FBXO45: variants seen among roughly 807,000 people sequenced by gnomAD.
FBXO45 encodes F-box/SPRY domain-containing protein 1.
FBXO45 carries 3 observed loss-of-function variants against 25.5 expected under a neutral mutation model. That is an observed-to-expected ratio of 0.12 (90% CI 0.05 to 0.30). FBXO45 has a LOEUF of 0.30. Among genes scored for constraint, FBXO45 ranks in the 10% least tolerant of loss-of-function variants. The pLI, the probability that FBXO45 is intolerant of heterozygous loss-of-function variation, is 1.00. For synonymous variants in FBXO45, 155 were observed against 149.8 expected (o/e 1.03, Z -0.25); for missense variants, 219 against 365.0 (o/e 0.60, Z 3.26).
At chr3:196,570,390 A>C (rs1348003538) in intron 1 of FBXO45, among the ~76,000 whole-genome samples, 1 of 151,228 alleles carries the variant, frequency 6.6e-6, no homozygotes, top group Non-Finnish European at 1.5e-5. Context: ...GGCATGCGCC[A>C]CCATGCCCGG....
chr3:196,582,094 C>T (rs543821384), intron 2 of FBXO45, among the ~76,000 whole-genome samples: 1 of 152,256 alleles, frequency 6.6e-6, no homozygotes, highest in East Asian at 1.9e-4. Context: ...AGTTGCTCTG[C>T]CATCTCCCCA....
At position 196,569,442 on chromosome 3, in the gene FBXO45, C is replaced by T. The variant is rs1735740603; in HGVS notation, c.318+140C>T. On this transcript the variant is annotated intron_variant, in intron 1 of 2. Coordinates refer to ENST00000311630, the MANE Select transcript of FBXO45 (RefSeq NM_001105573.2). This position sits in a 1 kb window ranked among gnomAD's most constrained non-coding sequence, Gnocchi z 4.1. ...ACGGCTCCAGTCAGTATCTTCCTCACCTCCCCCCAAGATAAAGATTCTCTT... is the reference window on the plus strand; with the variant it reads ...ACGGCTCCAGTCAGTATCTTCCTCATCTCCCCCCAAGATAAAGATTCTCTT... 2 of 744,160 alleles carry T rather than the reference C, an allele frequency of 2.7e-6. No homozygotes were observed. The highest frequency in any genetic ancestry group is 3.1e-5 in the Admixed American group (1 of 31,970). 46.1% of individuals were successfully genotyped at this position (744,160 alleles called of 1,614,324 possible).
rs1325096203 is a variant in FBXO45, at chr3:196,575,677, GT to G, written c.319-1773del. On this transcript the variant is annotated intron_variant, in intron 1 of 2. Transcript: ENST00000311630. The stretch of plus-strand genomic sequence containing the variant: ...AATCTTCTTTTCCTTTCTTTTCTTT[GT>G]TTCTTTTTTTTTTTTTGAGACAGGG... Among the ~76,000 whole-genome samples the G allele has an allele frequency of 2.1e-5, 3 of 146,086 alleles. No homozygotes were observed. In the East Asian group the frequency reaches 5.9e-4, roughly 29 times the overall value.
Position 196,584,537 on chromosome 3 carries a change from T to C in FBXO45, c.*219T>C. ...GGGTTGCAGTTGGTTGAGTGGGCAG[T>C]TGACATATGCATGTTGCACCCGATG... On this transcript the variant is annotated 3_prime_UTR_variant, in exon 3 of 3. Transcript: ENST00000311630. This position sits in a 1 kb window ranked among gnomAD's most constrained non-coding sequence, Gnocchi z 4.3. The C allele has an allele frequency of 4.2e-6, 2 of 471,056 alleles. No individual in the cohort carries two copies. The highest frequency in any genetic ancestry group is 2.0e-5 in the African/African-American group (1 of 49,414). 29.2% of individuals were successfully genotyped at this position (471,056 alleles called of 1,614,324 possible). A position where few individuals can be genotyped will look rare whatever the true frequency, so the allele number is the denominator to read the frequency against.
rs1283561938 is a variant in FBXO45, at chr3:196,588,529, T to G, written c.*4211T>G. ...TGCTGTCCTCAAAAACATTCCTCAG[T>G]TTCTCTAGCTGAATGTAATCTCTCC... On this transcript the variant is annotated 3_prime_UTR_variant, in exon 3 of 3. Transcript: ENST00000311630. This position sits in a 1 kb window ranked among gnomAD's most constrained non-coding sequence, Gnocchi z 4.2. The G allele has an allele frequency of 3.3e-5, 5 of 152,210 alleles. No homozygotes were observed. Among genetic ancestry groups the G allele is most frequent in the African/African-American group, 9.6e-5 (4 of 41,458 alleles). 9.4% of individuals were successfully genotyped at this position (152,210 alleles called of 1,614,324 possible).
chr3:196,575,502 A>G (rs1003724179), intron 1 of FBXO45, among the ~76,000 whole-genome samples: 1 of 151,822 alleles, frequency 6.6e-6, no homozygotes, highest in South Asian at 2.1e-4. Context: ...GAGGTTGTCA[A>G]TAGTGTCAAT....
chr3:196,584,438 T>A lies in FBXO45; in HGVS notation c.*120T>A. 1.2e-6 allele frequency: 1 copy of A among 861,004 alleles called. No individual in the cohort carries two copies. The highest frequency in any genetic ancestry group is 1.7e-6 in the Non-Finnish European group (1 of 579,134). The allele number at this position is 861,004 out of a possible 1,614,324, so 53.3% of individuals were successfully genotyped here. ...AACATCCTGAAAACACATGAAGTCG[T>A]AAACTGGAGAAGCAGCTCTACAGCA... On this transcript the variant is annotated 3_prime_UTR_variant, in exon 3 of 3. Coordinates refer to ENST00000311630, the MANE Select transcript of FBXO45 (RefSeq NM_001105573.2). The surrounding 1 kb of genome is among the most constrained non-coding windows in gnomAD (Gnocchi z 4.3).
chr3:196,583,396 CT>C (rs1736050604), intron 2 of FBXO45, among the ~76,000 whole-genome samples: 1 of 151,330 alleles, frequency 6.6e-6, no homozygotes, highest in Non-Finnish European at 1.5e-5. Flanking sequence ...GTCCCAGCTA[CT>C]GGGGAGGCTG....
rs1736092935 is a variant in FBXO45 at position 196,585,686 on chromosome 3, C to A, written c.*1368C>A. 6.6e-6 allele frequency: 1 copy of A among 152,292 alleles called. No homozygotes were observed. Among genetic ancestry groups the A allele is most frequent in the Admixed American group, 6.5e-5 (1 of 15,302 alleles). 9.4% of individuals were successfully genotyped at this position (152,292 alleles called of 1,614,324 possible). ...AAATGCTTTTGAATTAATAATCCAA[C>A]CCACATGAGCTGAGAGTTTTTCTTT... On this transcript the variant is annotated 3_prime_UTR_variant, in exon 3 of 3. Transcript: ENST00000311630.
chr3:196,581,223 CTTT>C (rs33962634), intron 2 of FBXO45, among the ~76,000 whole-genome samples: 95 of 63,652 alleles, frequency 1.5e-3, no homozygotes, highest in African/African-American at 5.9e-3. Flanking sequence ...TTTCTTTTTC[CTTT>C]TTTTTTTTTT....
rs1735723895 is a variant in FBXO45, at chr3:196,569,146, C to A, written c.162C>A (p.Ser54=). The A allele has an allele frequency of 5.8e-6, 9 of 1,550,482 alleles. No individual in the cohort carries two copies. The East Asian group carries it at 2.2e-4, about 38-fold the overall frequency. The change falls in exon 1 of 3, where the codon TCC becomes TCA. Residue 54 remains serine (S), a synonymous_variant. Coordinates refer to ENST00000311630, the MANE Select transcript of FBXO45 (RefSeq NM_001105573.2). The surrounding 1 kb of genome is among the most constrained non-coding windows in gnomAD (Gnocchi z 4.1). ...TGGTGTTCTCTTACCTGGAGCTGTC[C>A]GAGCTGCGGAGCTGCGCCCTGGTGT... ...LELVFSYLEL[S]ELRSCALVCK...
chr3:196,569,254 G>A lies in FBXO45; in HGVS notation c.270G>A (p.Glu90=), dbSNP rs763549603. ...TGTGCGCCCGCAGCCTGGCAGAAGA[G>A]GCTCTGCGCACGGACATCCTGTGCA... is the stretch of plus-strand genomic sequence containing the variant. ...RSLCARSLAE[E]ALRTDILCNL... is the part of the protein sequence containing the mutation. The change falls in exon 1 of 3, where the codon GAG becomes GAA. Residue 90 remains glutamate (E), a synonymous_variant. Coordinates refer to ENST00000311630, the MANE Select transcript of FBXO45 (RefSeq NM_001105573.2). The surrounding 1 kb of genome is among the most constrained non-coding windows in gnomAD (Gnocchi z 4.1). 2 of 1,586,148 alleles carry A rather than the reference G, an allele frequency of 1.3e-6. No individual in the cohort carries two copies. Among genetic ancestry groups the A allele is most frequent in the South Asian group, 1.2e-5 (1 of 86,828 alleles).
intron 1 of FBXO45, among the ~76,000 whole-genome samples, chr3:196,572,407 G>A (rs188179586): frequency 7.2e-5 from 11 of 152,326 alleles, no homozygotes; most frequent in African/African-American, 2.6e-4. Flanking sequence ...AGTAGTGGAG[G>A]ATTTAACCTG....
chr3:196,568,972 G>C lies in FBXO45; in HGVS notation c.-13G>C, dbSNP rs1308766921. ...CGGCGGCAGCGGCGGCCCTAGGGCCGGCTGGTGAGGCGATGGCGGCGCCGG... is the reference window on the plus strand; with the variant it reads ...CGGCGGCAGCGGCGGCCCTAGGGCCCGCTGGTGAGGCGATGGCGGCGCCGG... On this transcript the variant is annotated 5_prime_UTR_variant, in exon 1 of 3. Coordinates refer to ENST00000311630, the MANE Select transcript of FBXO45 (RefSeq NM_001105573.2). 2 of 990,540 alleles carry C rather than the reference G, an allele frequency of 2.0e-6. No individual in the cohort carries two copies. The highest frequency in any genetic ancestry group is 3.5e-5 in the African/African-American group (2 of 56,958). 61.4% of individuals were successfully genotyped at this position (990,540 alleles called of 1,614,324 possible).
chr3:196,571,228 T>A (rs1438364698), intron 1 of FBXO45, among the ~76,000 whole-genome samples: 1 of 149,150 alleles, frequency 6.7e-6, no homozygotes, highest in Non-Finnish European at 1.5e-5. Flanking sequence ...GGAGTTTTTG[T>A]TGTTGTTTTT....
intron 2 of FBXO45, among the ~76,000 whole-genome samples, chr3:196,578,532 T>C (rs1344421842): frequency 6.6e-6 from 1 of 152,120 alleles, no homozygotes; most frequent in Non-Finnish European, 1.5e-5. Context: ...TTAATGTCAT[T>C]TTCAAGGTAA....
intron 1 of FBXO45, among the ~76,000 whole-genome samples, chr3:196,570,294 A>T (rs935561951): frequency 2.1e-4 from 31 of 149,292 alleles, no homozygotes; most frequent in African/African-American, 7.4e-4. Flanking sequence ...ACGGAGTGCA[A>T]TGGCGTGATC....
chr3:196,572,904 A>G (rs1282975822), intron 1 of FBXO45, among the ~76,000 whole-genome samples: 3 of 152,104 alleles, frequency 2.0e-5, no homozygotes, highest in Non-Finnish European at 4.4e-5. Flanking sequence ...TTTGGCTCAC[A>G]TAATGTAGAG....
chr3:196,577,836 A>G, intron 2 of FBXO45, 27 bp downstream of exon 2: 1 of 1,432,604 alleles, frequency 7.0e-7, no homozygotes, highest in Non-Finnish European at 9.4e-7. Flanking sequence ...TTTCTCAAGT[A>G]TGGGCCTTTG....
Sources: gnomAD v4.1 joint callset for allele counts (sites outside exome capture counted in the v4.1 genomes callset) on GRCh38, gnomAD v4.1.1 for gene constraint, Gnocchi (gnomAD v3.1) non-coding constraint, MANE v1.5 for transcripts, NCBI Gene and HGNC (gene_info 2026-07-23, HGNC 2026-07-21) for gene names.